The following NUAK1 variants were observed in gnomAD, a reference collection of about 807,000 sequenced individuals.
The protein encoded by NUAK1 is NUAK family kinase 1.
NUAK1 carries 26 observed loss-of-function variants against 56.9 expected under a neutral mutation model. That is an observed-to-expected ratio of 0.46 (90% confidence interval 0.33 to 0.63). The LOEUF (loss-of-function observed/expected upper bound fraction) is 0.63, where lower values mean the gene tolerates loss of function less well. Among genes scored for constraint, NUAK1 ranks in the 30% least tolerant of loss-of-function variants. The pLI is 0.02. For synonymous variants in NUAK1, 337 were observed against 336.0 expected, an observed-to-expected ratio of 1.00 and a Z score of -0.03; for missense variants, 727 against 876.1, an observed-to-expected ratio of 0.83 and a Z score of 2.15.
intron 2 of NUAK1, among the ~76,000 whole-genome samples, chr12:106,102,192 T>C (rs950330942): frequency 6.6e-6 from 1 of 152,162 alleles, no homozygotes; most frequent in African/African-American, 2.4e-5. Context: ...CATGATACCC[T>C]ATAGGTCGCA....
rs1052546422 is a variant in NUAK1 at position 106,063,455 on chromosome 12, C to A, written c.*3347G>T. 1.3e-5 allele frequency: 2 copies of A among 152,612 alleles called. No homozygotes were observed. The highest frequency in any genetic ancestry group is 4.8e-5 in the African/African-American group (2 of 41,450). The allele number at this position is 152,612 out of a possible 1,614,324, so 9.5% of individuals were successfully genotyped here. A position where few individuals can be genotyped will look rare whatever the true frequency, so the allele number is the denominator to read the frequency against. On this transcript the variant is annotated 3_prime_UTR_variant, in exon 7 of 7. Coordinates refer to ENST00000261402, the MANE Select transcript of NUAK1 (RefSeq NM_014840.3). ...ACAAACACTTTGGGTGGTTATCCAG[C>A]TTGTTTTTCCCCTGTAGGCTGTTCT...
intron 4 of NUAK1, among the ~76,000 whole-genome samples, chr12:106,082,235 G>A (rs990769026): frequency 1.3e-5 from 2 of 152,180 alleles, no homozygotes; most frequent in Admixed American, 6.5e-5. Context: ...GACAGGAACT[G>A]GCAACTCTTG....
At chr12:106,089,634 A>G (rs1187816369) in intron 2 of NUAK1, among the ~76,000 whole-genome samples, 2 of 152,080 alleles carry the variant, frequency 1.3e-5, no homozygotes, top group East Asian at 3.9e-4. Context: ...CCAAAAATAT[A>G]AAAAATTAGC....
At position 106,099,693 on chromosome 12, in the gene NUAK1, C is replaced by G. The variant is rs138299748; in HGVS notation, c.361+6712G>C. On this transcript the variant is annotated intron_variant, in intron 2 of 6. Coordinates refer to ENST00000261402, the MANE Select transcript of NUAK1 (RefSeq NM_014840.3). ...CCATAAAATAGGGATCTTAACATTT[C>G]ATATTTCCCAGATATAAGGGTTAAG... 1.3e-4 allele frequency among the ~76,000 whole-genome samples: 20 copies of G among 152,260 alleles called. 1 individual carries two copies. In the East Asian group the frequency reaches 3.7e-3, roughly 28 times the overall value.
At chr12:106,112,194 A>C (rs920151370) in intron 1 of NUAK1, among the ~76,000 whole-genome samples, 1 of 152,070 alleles carries the variant, frequency 6.6e-6, no homozygotes, top group Non-Finnish European at 1.5e-5. Context: ...TTGCATCCTA[A>C]TCCCAGCAAC....
intron 4 of NUAK1, among the ~76,000 whole-genome samples, chr12:106,077,074 GAA>G (rs1403154240): frequency 2.6e-5 from 4 of 152,208 alleles, no homozygotes; most frequent in Non-Finnish European, 5.9e-5. Flanking sequence ...GGTGAAAACT[GAA>G]GTGTCACCTT....
intron 1 of NUAK1, among the ~76,000 whole-genome samples, chr12:106,119,981 G>A (rs974978324): frequency 2.0e-5 from 3 of 151,870 alleles, no homozygotes; most frequent in Non-Finnish European, 4.4e-5. Flanking sequence ...CAATTATCTG[G>A]AAAAAAATAT....
At chr12:106,125,268 G>A (rs566568255) in intron 1 of NUAK1, among the ~76,000 whole-genome samples, 1 of 152,312 alleles carries the variant, frequency 6.6e-6, no homozygotes, top group African/African-American at 2.4e-5. Context: ...CACTGAACTA[G>A]GCACTGGGAG....
At chr12:106,074,302 A>G (rs2032439371) in intron 4 of NUAK1, among the ~76,000 whole-genome samples, 1 of 152,230 alleles carries the variant, frequency 6.6e-6, no homozygotes, top group Non-Finnish European at 1.5e-5. Context: ...ATTATCAGGT[A>G]CTGCTCCAAA....
intron 4 of NUAK1, among the ~76,000 whole-genome samples, chr12:106,075,174 C>G (rs1025301204): frequency 6.6e-5 from 10 of 152,158 alleles, no homozygotes; most frequent in African/African-American, 2.4e-4. Context: ...TCCTCACAGA[C>G]TGATGTTTAT....
Position 106,091,124 on chromosome 12 carries a change from A to G in NUAK1, c.362-4239T>C, listed in dbSNP as rs146895205. 1.2e-3 allele frequency among the ~76,000 whole-genome samples: 176 copies of G among 152,350 alleles called. 1 individual carries two copies. Among genetic ancestry groups the G allele is most frequent in the African/African-American group, 4.0e-3 (167 of 41,592 alleles). On this transcript the variant is annotated intron_variant, in intron 2 of 6. Coordinates refer to ENST00000261402, the MANE Select transcript of NUAK1 (RefSeq NM_014840.3). ...TGGGCACTTTTACAACTGGTTATTT[A>G]TAAGCCCAGAAATCTTGTCTGTGTT...
intron 1 of NUAK1, among the ~76,000 whole-genome samples, chr12:106,120,801 C>T (rs1029111304): frequency 1.3e-5 from 2 of 152,172 alleles, no homozygotes; most frequent in South Asian, 4.1e-4. Context: ...TCGGACACAC[C>T]GGTCCCACAG....
rs7136283 is a variant in NUAK1, at chr12:106,067,078, A to G, written c.1710T>C (p.Ser570=). 0.035 allele frequency: 56,038 copies of G among 1,614,176 alleles called. 2,207 individuals are homozygous for G. The highest frequency in any genetic ancestry group is 0.2 in the African/African-American group (15,219 of 75,030). The part of the protein sequence containing the change: ...GLSRSYSRPS[S]VISDDSVLSS... ...ACAGCACGCTGTCATCGCTGATGAC[A>G]CTGGAAGGGCGGCTGTAGCTCCGGG... The change falls in exon 7 of 7, where the codon AGT becomes AGC. Residue 570 remains serine (S), a synonymous_variant. Transcript: ENST00000261402. This position sits in a 1 kb window ranked among gnomAD's most constrained non-coding sequence, Gnocchi z 6.0.
intron 4 of NUAK1, among the ~76,000 whole-genome samples, chr12:106,076,939 C>T (rs966642367): frequency 1.3e-5 from 2 of 152,154 alleles, no homozygotes; most frequent in Admixed American, 6.5e-5. Context: ...GTAATGCCTA[C>T]ACAACAATAT....
In NUAK1 at chr12:106,067,910, C is replaced by T. The variant is rs201088258; in HGVS notation, c.878G>A (p.Arg293His). Residue 293 changes from arginine to histidine, a missense_variant, in exon 7 of 7, where the codon CGC (arginine) becomes CAC (histidine). Transcript: ENST00000261402. This position sits in a 1 kb window ranked among gnomAD's most constrained non-coding sequence, Gnocchi z 6.0. ...IRWMLMVNPD[R>H]RATIEDIANH... Reference sequence around the variant, plus strand: ...GGCAATGTCCTCAATAGTGGCCCGGCGATCGGGGTTCACCATCAGCATCCA... The same window carrying T: ...GGCAATGTCCTCAATAGTGGCCCGGTGATCGGGGTTCACCATCAGCATCCA... 8.7e-6 allele frequency: 14 copies of T among 1,613,310 alleles called. No homozygotes were observed. The Admixed American group carries it at 1.7e-4, about 19-fold the overall frequency.
chr12:106,068,022 C>G, intron 6 of NUAK1, 67 bp from the exon 7 acceptor site: 1 of 1,466,096 alleles, frequency 6.8e-7, no homozygotes, highest in Non-Finnish European at 9.2e-7. Flanking sequence ...ATAGTGGGAC[C>G]CTCCAGGAGT....
rs574434279 is a variant in NUAK1 at position 106,115,434 on chromosome 12, T to C, written c.241-8909A>G. 1.6e-3 allele frequency among the ~76,000 whole-genome samples: 240 copies of C among 152,316 alleles called. 1 individual carries two copies. Among genetic ancestry groups the C allele is most frequent in the African/African-American group, 5.5e-3 (230 of 41,576 alleles). On this transcript the variant is annotated intron_variant, in intron 1 of 6. Coordinates refer to ENST00000261402, the MANE Select transcript of NUAK1 (RefSeq NM_014840.3). ...CTGATTTATAGCAATGTACAAGACC[T>C]ATCAGATAGGGCGGGAGCAACCGTG...
chr12:106,076,100 T>A (rs930660534), intron 4 of NUAK1, among the ~76,000 whole-genome samples: 1 of 152,170 alleles, frequency 6.6e-6, no homozygotes, highest in African/African-American at 2.4e-5. Flanking sequence ...CAAAAATCCA[T>A]GAAAAGGATG....
chr12:106,122,434 C>T (rs2032987042), intron 1 of NUAK1, among the ~76,000 whole-genome samples: 1 of 152,168 alleles, frequency 6.6e-6, no homozygotes. Context: ...ATGGTGTTCA[C>T]CTCTTAGGGT....
Sources: allele counts gnomAD v4.1 joint callset (sites outside exome capture counted in the v4.1 genomes callset), GRCh38; gene constraint gnomAD v4.1.1; non-coding constraint Gnocchi (gnomAD v3.1); transcripts MANE v1.5; gene names NCBI Gene and HGNC (gene_info 2026-07-23, HGNC 2026-07-21).